FBXL17: variants seen among roughly 807,000 people sequenced by gnomAD.
FBXL17 encodes F-box/LRR-repeat protein 17.
A neutral mutation model predicts 66.2 loss-of-function variants in FBXL17; 22 were observed. The ratio of observed to expected loss-of-function variants is 0.33; its 90% CI spans 0.24 to 0.47. FBXL17 has a LOEUF of 0.47. Ranked by LOEUF, FBXL17 falls within the 20% of genes least tolerant of loss-of-function variation. The pLI is 1.00. For missense variants in FBXL17, 878 were observed against 948.2 expected (o/e 0.93, Z 0.97); for synonymous variants, 474 against 400.5 (o/e 1.18, Z -2.19).
chr5:108,041,070 T>C (rs1433033912), intron 6 of FBXL17, among the ~76,000 whole-genome samples: 2 of 152,196 alleles, frequency 1.3e-5, no homozygotes, highest in African/African-American at 4.8e-5. Context: ...AATGACTTCA[T>C]GGGATTGTTG....
At chr5:108,333,387 G>A (rs1480880690) in intron 4 of FBXL17, among the ~76,000 whole-genome samples, 4 of 151,898 alleles carry the variant, frequency 2.6e-5, no homozygotes, top group Admixed American at 6.6e-5. Context: ...AAATTACTAC[G>A]TTAAAAAATC....
intron 7 of FBXL17, among the ~76,000 whole-genome samples, chr5:107,887,982 A>G (rs1366919163): frequency 6.6e-6 from 1 of 152,212 alleles, no homozygotes; most frequent in Non-Finnish European, 1.5e-5. Context: ...TTGGTCTCTC[A>G]AACGGTAGTT....
chr5:108,193,607 T>C lies in FBXL17; in HGVS notation c.1615-7360A>G, dbSNP rs188707304. Among the ~76,000 whole-genome samples the C allele has an allele frequency of 5.3e-5, 8 of 152,190 alleles. No homozygotes were observed. The East Asian group carries it at 1.6e-3, about 29-fold the overall frequency. ...TGGAATCTCAGCTAGGGTATTAAAA[T>C]GTAATAAAAATCTAAATAAGCCACA... On this transcript the variant is annotated intron_variant, in intron 5 of 8. Transcript: ENST00000542267.
intron 7 of FBXL17, among the ~76,000 whole-genome samples, chr5:107,953,316 T>C (rs1156948590): frequency 2.1e-5 from 3 of 145,162 alleles, no homozygotes; most frequent in Non-Finnish European, 3.0e-5. Context: ...GGCAGGAGAA[T>C]GGCGTGAACC....
chr5:108,380,388 A>AT (rs1000701268), intron 1 of FBXL17, among the ~76,000 whole-genome samples: 66 of 151,976 alleles, frequency 4.3e-4, no homozygotes, highest in African/African-American at 1.5e-3. Flanking sequence ...CGATTAAAAA[A>AT]TTTTTTTTTC....
chr5:107,964,110 C>T (rs1231636006), intron 7 of FBXL17, among the ~76,000 whole-genome samples: 3 of 152,154 alleles, frequency 2.0e-5, no homozygotes, highest in Non-Finnish European at 4.4e-5. Context: ...CTAGTACAGA[C>T]AGGTGAATTC....
intron 7 of FBXL17, among the ~76,000 whole-genome samples, chr5:107,962,957 T>C (rs1310105056): frequency 6.6e-6 from 1 of 152,164 alleles, no homozygotes. Context: ...ATGAGTAATT[T>C]CATGGTACAA....
At position 107,861,581 on chromosome 5, in the gene FBXL17, C is replaced by A. The variant is rs568429994; in HGVS notation, c.*139G>T. ...AACTGCACTTTTGGTATGCAGTATGCAAACAAGACACAAATACACATACTT... is the reference window on the plus strand; with the variant it reads ...AACTGCACTTTTGGTATGCAGTATGAAAACAAGACACAAATACACATACTT... On this transcript the variant is annotated 3_prime_UTR_variant, in exon 9 of 9. Coordinates refer to ENST00000542267, the MANE Select transcript of FBXL17 (RefSeq NM_001163315.3). 1.9e-4 allele frequency: 145 copies of A among 745,776 alleles called. No individual in the cohort carries two copies. Among genetic ancestry groups the A allele is most frequent in the Non-Finnish European group, 2.5e-4 (137 of 539,892 alleles). The allele number at this position is 745,776 out of a possible 1,614,324, so 46.2% of individuals were successfully genotyped here.
intron 6 of FBXL17, among the ~76,000 whole-genome samples, chr5:108,124,613 A>G (rs1364289097): frequency 1.3e-5 from 2 of 152,100 alleles, no homozygotes; most frequent in Admixed American, 6.5e-5. Flanking sequence ...TTCCACTTTA[A>G]TAAGAGTGCT....
intron 6 of FBXL17, among the ~76,000 whole-genome samples, chr5:108,115,908 T>C (rs186221627): frequency 1.1e-3 from 164 of 152,334 alleles, no homozygotes; most frequent in Non-Finnish European, 1.8e-3. Context: ...GAGATTAAAA[T>C]GAGCTTGTCC....
At chr5:108,287,704 T>C (rs1312843174) in intron 4 of FBXL17, among the ~76,000 whole-genome samples, 1 of 152,008 alleles carries the variant, frequency 6.6e-6, no homozygotes, top group Non-Finnish European at 1.5e-5. Context: ...AAAAGCAGTG[T>C]GGTGATTTCT....
At chr5:108,115,490 C>T (rs2149958140) in intron 6 of FBXL17, among the ~76,000 whole-genome samples, 1 of 151,622 alleles carries the variant, frequency 6.6e-6, no homozygotes, top group East Asian at 1.9e-4. Flanking sequence ...CAATTCATTA[C>T]AAAATTGGTG....
chr5:107,943,806 A>G lies in FBXL17; in HGVS notation c.1823-62627T>C, dbSNP rs151045388. Among the ~76,000 whole-genome samples the G allele has an allele frequency of 1.4e-3, 215 of 152,284 alleles. 1 individual carries two copies. The highest frequency in any genetic ancestry group is 5.0e-3 in the African/African-American group (209 of 41,562). On this transcript the variant is annotated intron_variant, in intron 7 of 8. Coordinates refer to ENST00000542267, the MANE Select transcript of FBXL17 (RefSeq NM_001163315.3). ...ATATTTACTACCTGGTCCTTCAGAG[A>G]AAGTTTGTCCAACCCACTACTGCCA...
chr5:107,879,621 A>G, intron 8 of FBXL17: 1 of 985,494 alleles, frequency 1.0e-6, no homozygotes. Flanking sequence ...AAAATCACAA[A>G]GGACACAAGA....
At chr5:108,181,084 T>C (rs1188361455) in intron 6 of FBXL17, among the ~76,000 whole-genome samples, 1 of 152,222 alleles carries the variant, frequency 6.6e-6, no homozygotes, top group East Asian at 1.9e-4. Context: ...ATTATAAGTA[T>C]ATTGCTATAA....
At chr5:108,099,365 G>T (rs192204933) in intron 6 of FBXL17, among the ~76,000 whole-genome samples, 15 of 152,248 alleles carry the variant, frequency 9.9e-5, no homozygotes, top group Admixed American at 6.5e-4. Context: ...AGATCAAAAA[G>T]AGAAAAGCAA....
chr5:107,879,832 G>A (rs1748727814), intron 8 of FBXL17: 1 of 985,328 alleles, frequency 1.0e-6, no homozygotes, highest in Non-Finnish European at 1.2e-6. Context: ...TTTTCCAAGG[G>A]AAGCAGTCCC....
chr5:108,381,303 G>A lies in FBXL17; in HGVS notation c.389C>T (p.Ala130Val). Residue 130 changes from alanine to valine, a missense_variant, in exon 1 of 9, where the codon GCT (alanine) becomes GTT (valine). Ala to Val is a moderately conservative substitution (Grantham distance 64). This residue lies in a region of FBXL17 where 605 missense variants were observed against 509.5 expected (regional missense o/e 1.19). Coordinates refer to ENST00000542267, the MANE Select transcript of FBXL17 (RefSeq NM_001163315.3). ...LLSSAAAAAA[A>V]AASASSPASC... ...GGCGGGCGACGAAGCCGAGGCGGCA[G>A]CGGCGGCGGCGGCGGCGGCCGAGGA... 7.4e-7 allele frequency: 1 copy of A among 1,359,094 alleles called. No individual in the cohort carries two copies. Among genetic ancestry groups the A allele is most frequent in the East Asian group, 3.1e-5 (1 of 31,922 alleles). The allele number at this position is 1,359,094 out of a possible 1,614,324, so 84.2% of individuals were successfully genotyped here. A position where few individuals can be genotyped will look rare whatever the true frequency, so the allele number is the denominator to read the frequency against.
At chr5:108,174,837 G>C (rs913172994) in intron 6 of FBXL17, among the ~76,000 whole-genome samples, 2 of 150,700 alleles carry the variant, frequency 1.3e-5, no homozygotes, top group African/African-American at 4.9e-5. Flanking sequence ...CAAAGTTTCT[G>C]GTTCCTCACT....
Sources: allele counts gnomAD v4.1 joint callset (sites outside exome capture counted in the v4.1 genomes callset), GRCh38; gene constraint gnomAD v4.1.1; regional missense constraint gnomAD v4.1.1; transcripts MANE v1.5; gene names NCBI Gene and HGNC (gene_info 2026-07-23, HGNC 2026-07-21).